The following DNM2 variants were observed in gnomAD, a reference collection of about 807,000 sequenced individuals.
The protein encoded by DNM2 is dynamin-2.
A neutral mutation model predicts 99.0 loss-of-function variants in DNM2; 15 were observed. The observed-to-expected ratio is 0.15, with a 90% CI of 0.10 to 0.23. The LOEUF (loss-of-function observed/expected upper bound fraction) is 0.23. Ranked by LOEUF, DNM2 falls within the 10% of genes least tolerant of loss-of-function variation. DNM2 has a pLI of 1.00. For missense variants in DNM2, 742 were observed against 1,189.4 expected (o/e 0.62, Z 5.53); for synonymous variants, 525 against 481.2 (o/e 1.09, Z -1.19).
Position 10,817,525 on chromosome 19 carries a change from CCCAGGCAGACGCTGGGGCCA to C in DNM2, c.1672-2448_1672-2429del, listed in dbSNP as rs1354408475. 2.3e-6 allele frequency: 1 copy of C among 441,142 alleles called. No homozygotes were observed. The highest frequency in any genetic ancestry group is 4.6e-6 in the Non-Finnish European group (1 of 215,676). The allele number at this position is 441,142 out of a possible 1,614,324, so 27.3% of individuals were successfully genotyped here. On this transcript the variant is annotated intron_variant, in intron 15 of 20. Coordinates refer to ENST00000389253, the MANE Select transcript of DNM2 (RefSeq NM_001005361.3). The surrounding 1 kb of genome is among the most constrained non-coding windows in gnomAD (Gnocchi z 4.6). ...GCCGGCTATCCATCCTGCAGAACCC[CCCAGGCAGACGCTGGGGCCA>C]CCAGGCCAGGCCGTGCCTCAGCACC... is the stretch of plus-strand genomic sequence containing the variant.
At chr19:10,786,815 G>T in intron 7 of DNM2, 109 bp downstream of exon 7, 1 of 1,555,228 alleles carries the variant, frequency 6.4e-7, no homozygotes, top group South Asian at 1.2e-5. Flanking sequence ...CATTGATTCA[G>T]CAGACACTTG....
chr19:10,779,493 TCTTTCTTTC>T (rs1215703761), intron 5 of DNM2, among the ~76,000 whole-genome samples: 32 of 119,634 alleles, frequency 2.7e-4, no homozygotes, highest in African/African-American at 9.9e-4. Flanking sequence ...TTTCTTTCTT[TCTTTCTTTC>T]TTTTTTTTTT....
At chr19:10,798,594 T>G (rs1050304569) in intron 11 of DNM2, 22 bp downstream of exon 11, 2 of 1,613,774 alleles carry the variant, frequency 1.2e-6, no homozygotes, top group Non-Finnish European at 1.7e-6. Context: ...TTGTCTTCTT[T>G]ATTGGGTATA....
In DNM2 at chr19:10,721,536, G is replaced by A. The variant is rs142540901; in HGVS notation, c.161+3133G>A. ...TTTGGGTATGAGGGGCTCAAACAAG[G>A]CTTACTTTTTTTTGGGGGGGTGTAA... On this transcript the variant is annotated intron_variant, in intron 1 of 20. Coordinates refer to ENST00000389253, the MANE Select transcript of DNM2 (RefSeq NM_001005361.3). Among the ~76,000 whole-genome samples the A allele has an allele frequency of 2.3e-3, 355 of 152,274 alleles. 3 individuals are homozygous for A. Among genetic ancestry groups the A allele is most frequent in the African/African-American group, 7.6e-3 (315 of 41,564 alleles).
chr19:10,769,014 G>T (rs1226387806), intron 2 of DNM2, among the ~76,000 whole-genome samples: 5 of 152,170 alleles, frequency 3.3e-5, no homozygotes, highest in Admixed American at 3.3e-4. Flanking sequence ...TGACTTGAGA[G>T]AGTAGCTTGC....
At chr19:10,746,682 A>G (rs2069984828) in intron 1 of DNM2, among the ~76,000 whole-genome samples, 1 of 149,102 alleles carries the variant, frequency 6.7e-6, no homozygotes, top group African/African-American at 2.5e-5. Flanking sequence ...GGTCTCCCAA[A>G]GTGCCGGGAT....
intron 1 of DNM2, among the ~76,000 whole-genome samples, chr19:10,745,949 T>C (rs1311600439): frequency 6.6e-6 from 1 of 152,204 alleles, no homozygotes; most frequent in Non-Finnish European, 1.5e-5. Flanking sequence ...ATGTCTGGCC[T>C]CCTTGCTGTT....
chr19:10,797,298 C>T (rs1433911531), intron 9 of DNM2, 82 bp from the exon 10 acceptor site: 3 of 1,581,420 alleles, frequency 1.9e-6, no homozygotes, highest in African/African-American at 1.3e-5. Flanking sequence ...TTCTTCTCTT[C>T]TCTCTGTCTC....
chr19:10,795,621 CTT>C lies in DNM2; in HGVS notation c.1196+183_1196+184del. On this transcript the variant is annotated intron_variant, in intron 9 of 20. Transcript: ENST00000389253. The surrounding 1 kb of genome is among the most constrained non-coding windows in gnomAD (Gnocchi z 4.2). ...CAAGGGCACATGAGGGTGGATGTGT[CTT>C]AGTCCTGCGTCCATTGCAGGCTTCA... 1.5e-6 allele frequency: 1 copy of C among 676,950 alleles called. No individual in the cohort carries two copies. The highest frequency in any genetic ancestry group is 3.1e-4 in the Middle Eastern group (1 of 3,188). 41.9% of individuals were successfully genotyped at this position (676,950 alleles called of 1,614,324 possible). A position where few individuals can be genotyped will look rare whatever the true frequency, so the allele number is the denominator to read the frequency against.
intron 1 of DNM2, among the ~76,000 whole-genome samples, chr19:10,729,066 T>C (rs1255751129): frequency 8.6e-6 from 1 of 116,428 alleles, no homozygotes; most frequent in Non-Finnish European, 1.8e-5. Context: ...ACTAAAAATA[T>C]AGGCAGGAGA....
At chr19:10,805,245 C>G (rs1243505381) in intron 12 of DNM2, among the ~76,000 whole-genome samples, 5 of 152,218 alleles carry the variant, frequency 3.3e-5, no homozygotes, top group Admixed American at 3.3e-4. Context: ...TGTGTCATTT[C>G]ATGACCAGCA....
At position 10,818,203 on chromosome 19, in the gene DNM2, ACCGGGCCC is replaced by A; in HGVS notation, c.1672-1775_1672-1768del. Among the ~76,000 whole-genome samples, 1 of 112,274 alleles carries A rather than the reference ACCGGGCCC, an allele frequency of 8.9e-6. No individual in the cohort carries two copies. Among genetic ancestry groups the A allele is most frequent in the Non-Finnish European group, 2.0e-5 (1 of 50,210 alleles). 73.7% of individuals were successfully genotyped at this position (112,274 alleles called of 152,430 possible). On this transcript the variant is annotated intron_variant, in intron 15 of 20. Transcript: ENST00000389253. The surrounding 1 kb of genome is among the most constrained non-coding windows in gnomAD (Gnocchi z 4.3). ...CAGCGGCATCCCTCCCTCCATGGCC[ACCGGGCCC>A]CTCTCCTATGCTCTGCTCCCTCCAT...
intron 1 of DNM2, among the ~76,000 whole-genome samples, chr19:10,730,129 A>T (rs1390678683): frequency 6.6e-6 from 1 of 152,134 alleles, no homozygotes; most frequent in East Asian, 1.9e-4. Context: ...CCCCCAAAGT[A>T]CTGGGATTGT....
At chr19:10,803,801 C>A in intron 12 of DNM2, 3 of 619,246 alleles carry the variant, frequency 4.8e-6, no homozygotes, top group Non-Finnish European at 6.1e-6. Flanking sequence ...AGAGCCAGGG[C>A]CAGTGCTGGG....
intron 1 of DNM2, among the ~76,000 whole-genome samples, chr19:10,731,159 G>C (rs575471773): frequency 6.6e-6 from 1 of 152,166 alleles, no homozygotes; most frequent in African/African-American, 2.4e-5. Context: ...GGCCAGCCCT[G>C]GGGAAAGCCC....
Position 10,721,111 on chromosome 19 carries a change from C to T in DNM2, c.161+2708C>T, listed in dbSNP as rs116386239. ...CTGGCAGCTGCCGGCCAGTATGGAG[C>T]TGGTTCCTGTGGCGACCTCCTAGAA... On this transcript the variant is annotated intron_variant, in intron 1 of 20. Coordinates refer to ENST00000389253, the MANE Select transcript of DNM2 (RefSeq NM_001005361.3). Among the ~76,000 whole-genome samples, 827 of 152,030 alleles carry T rather than the reference C, an allele frequency of 5.4e-3. 4 individuals are homozygous for T. Among genetic ancestry groups the T allele is most frequent in the African/African-American group, 0.019 (790 of 41,486 alleles).
chr19:10,726,252 G>A (rs1005715349), intron 1 of DNM2, among the ~76,000 whole-genome samples: 5 of 151,746 alleles, frequency 3.3e-5, no homozygotes, highest in African/African-American at 7.3e-5. Context: ...TTAGAGACAG[G>A]GTCTTACTTT....
chr19:10,739,246 GTT>G (rs2069649510), intron 1 of DNM2, among the ~76,000 whole-genome samples: 3 of 152,222 alleles, frequency 2.0e-5, no homozygotes, highest in Admixed American at 2.0e-4. Context: ...CTCCTGTACT[GTT>G]TTATTTTCCT....
At chr19:10,801,004 C>T (rs1214919292) in intron 11 of DNM2, among the ~76,000 whole-genome samples, 1 of 152,212 alleles carries the variant, frequency 6.6e-6, no homozygotes. Context: ...TTGAACACGC[C>T]AGGCGCTAAA....
Sources: allele counts gnomAD v4.1 joint callset (sites outside exome capture counted in the v4.1 genomes callset), GRCh38; gene constraint gnomAD v4.1.1; non-coding constraint Gnocchi (gnomAD v3.1); transcripts MANE v1.5; gene names NCBI Gene and HGNC (gene_info 2026-07-23, HGNC 2026-07-21).